Variants in SYTL2 observed in about 807,000 individuals in gnomAD.
SYTL2 encodes synaptotagmin like 2.
In SYTL2, 165 loss-of-function variants were observed where a neutral mutation model predicts 198.7. The observed-to-expected ratio is 0.83, with a 90% confidence interval of 0.73 to 0.94. SYTL2 has a LOEUF of 0.94. Ranked by LOEUF, SYTL2 falls within the 40% of genes least tolerant of loss-of-function variation. SYTL2 has a pLI of 0.00. For missense variants in SYTL2, 2,835 were observed against 2,582.8 expected (o/e 1.10, Z -2.12); for synonymous variants, 966 against 917.7 (o/e 1.05, Z -0.95).
chr11:85,799,682 G>A (rs759710243), intron 1 of SYTL2, among the ~76,000 whole-genome samples: 5 of 151,882 alleles, frequency 3.3e-5, no homozygotes, highest in African/African-American at 7.3e-5. Flanking sequence ...CACCCAGATC[G>A]CCTCTCAAAT....
chr11:85,728,080 T>G, intron 7 of SYTL2, 113 bp from the exon 8 acceptor site: 1 of 880,682 alleles, frequency 1.1e-6, no homozygotes, highest in Non-Finnish European at 1.7e-6. Context: ...TCTATACCAA[T>G]AGCTGTTTAT....
chr11:85,805,410 A>G (rs549317294), intron 1 of SYTL2, among the ~76,000 whole-genome samples: 2 of 152,364 alleles, frequency 1.3e-5, no homozygotes, highest in East Asian at 3.9e-4. Context: ...ACAGTGGTAA[A>G]GAATCTGCCC....
chr11:85,778,155 A>T (rs1057407701), intron 1 of SYTL2, among the ~76,000 whole-genome samples: 1 of 152,120 alleles, frequency 6.6e-6, no homozygotes, highest in Non-Finnish European at 1.5e-5. Flanking sequence ...CAACCTGCAG[A>T]TTCCAATTTA....
chr11:85,713,203 A>G (rs570315224), intron 12 of SYTL2, among the ~76,000 whole-genome samples: 2 of 152,364 alleles, frequency 1.3e-5, no homozygotes, highest in Non-Finnish European at 2.9e-5. Context: ...AAGGATGCCC[A>G]GGCCAGTGAC....
At chr11:85,752,759 T>C (rs944967555) in intron 2 of SYTL2, among the ~76,000 whole-genome samples, 7 of 151,524 alleles carry the variant, frequency 4.6e-5, no homozygotes, top group Non-Finnish European at 1.0e-4. Flanking sequence ...ATCTGTTAAG[T>C]GGATTCAGCT....
Position 85,707,367 on chromosome 11 carries a change from A to C in SYTL2, c.6018+62T>G. 3 of 1,136,654 alleles carry C rather than the reference A, an allele frequency of 2.6e-6. 1 individual carries two copies. In the South Asian group the frequency reaches 3.8e-5, roughly 14 times the overall value. The allele number at this position is 1,136,654 out of a possible 1,614,324, so 70.4% of individuals were successfully genotyped here. On this transcript the variant is annotated intron_variant, in intron 15 of 19. Transcript: ENST00000359152. Reference sequence around the variant, plus strand: ...ACTTTATCCTGTAGAGCTACTACCCAAAGAAGACATGGTAAACAGGTCACC... The same window carrying C: ...ACTTTATCCTGTAGAGCTACTACCCCAAGAAGACATGGTAAACAGGTCACC...
At chr11:85,808,729 T>C in intron 1 of SYTL2, among the ~76,000 whole-genome samples, 1 of 152,178 alleles carries the variant, frequency 6.6e-6, no homozygotes. Flanking sequence ...ATGAAAAAAA[T>C]TGCATAAGCA....
At chr11:85,769,753 C>T (rs1312673898) in intron 1 of SYTL2, among the ~76,000 whole-genome samples, 1 of 152,144 alleles carries the variant, frequency 6.6e-6, no homozygotes, top group Non-Finnish European at 1.5e-5. Context: ...GGGGTTTTAT[C>T]AGCGGCTTAC....
chr11:85,711,228 T>C lies in SYTL2; in HGVS notation c.5630A>G (p.Asp1877Gly). The C allele has an allele frequency of 6.2e-7, 1 of 1,613,862 alleles. No individual in the cohort carries two copies. Among genetic ancestry groups the C allele is most frequent in the Non-Finnish European group, 8.5e-7 (1 of 1,179,854 alleles). Residue 1877 changes from aspartate to glycine, a missense_variant, in exon 13 of 20, where the codon GAT becomes GGT. Transcript: ENST00000359152. ...TGATGCTGTATCTGTTTCTCTGTCA[T>C]CACTCTACAAAACAGCATATAATAT... ...SVPAFLQDES[D>G]DRETDTASES...
chr11:85,786,761 T>C (rs1480342034), intron 1 of SYTL2, among the ~76,000 whole-genome samples: 1 of 152,164 alleles, frequency 6.6e-6, no homozygotes, highest in Non-Finnish European at 1.5e-5. Flanking sequence ...CCAATTGTTT[T>C]TCACACAACC....
intron 1 of SYTL2, among the ~76,000 whole-genome samples, chr11:85,808,240 TA>T (rs2092986258): frequency 6.6e-6 from 1 of 152,106 alleles, no homozygotes; most frequent in African/African-American, 2.4e-5. Context: ...CTAAGTTTTG[TA>T]TTTTTAGTAG....
chr11:85,850,471 A>G, the SYTL2 span, among the ~76,000 whole-genome samples: 8 of 151,660 alleles, frequency 5.3e-5, no homozygotes, highest in Non-Finnish European at 4.4e-5. Flanking sequence ...CAAAACCACT[A>G]TGAGATACCA....
the SYTL2 span, among the ~76,000 whole-genome samples, chr11:85,825,002 T>C: frequency 6.6e-6 from 1 of 152,196 alleles, no homozygotes; most frequent in Non-Finnish European, 1.5e-5. Context: ...GGATCATTAG[T>C]GCATTGCCCT....
chr11:85,813,309 C>T (rs2093057282), upstream of SYTL2, among the ~76,000 whole-genome samples: 1 of 149,260 alleles, frequency 6.7e-6, no homozygotes, highest in Non-Finnish European at 1.5e-5. Flanking sequence ...CTTCAGTTTG[C>T]TCATTTGTTA....
chr11:85,699,197 T>C lies in SYTL2; in HGVS notation c.6269-1119A>G, dbSNP rs140241804. On this transcript the variant is annotated intron_variant, in intron 17 of 19. Transcript: ENST00000359152. ...ACAGTGAAACTCCAAGTTATTACTGTAATGTTCTAGAAGATGATATGATCA... is the reference window on the plus strand; with the variant it reads ...ACAGTGAAACTCCAAGTTATTACTGCAATGTTCTAGAAGATGATATGATCA... 3.9e-5 allele frequency among the ~76,000 whole-genome samples: 6 copies of C among 152,344 alleles called. No homozygotes were observed. In the East Asian group the frequency reaches 1.2e-3, roughly 29 times the overall value.
chr11:85,782,879 T>C (rs1354287885), intron 1 of SYTL2, among the ~76,000 whole-genome samples: 1 of 152,250 alleles, frequency 6.6e-6, no homozygotes, highest in African/African-American at 2.4e-5. Context: ...CTGGACTTCG[T>C]TGTCCACATC....
upstream of SYTL2, among the ~76,000 whole-genome samples, chr11:85,811,983 C>G (rs1566051348): frequency 1.3e-5 from 2 of 152,010 alleles, no homozygotes; most frequent in African/African-American, 2.4e-5. Context: ...GGCGAGCGCC[C>G]GTAGTCCCAA....
chr11:85,768,660 C>G (rs754132739), intron 1 of SYTL2, among the ~76,000 whole-genome samples: 1 of 152,188 alleles, frequency 6.6e-6, no homozygotes, highest in African/African-American at 2.4e-5. Flanking sequence ...CCTCTAACCT[C>G]CTACACCATT....
intron 1 of SYTL2, among the ~76,000 whole-genome samples, chr11:85,805,155 G>A (rs12286030): frequency 0.095 from 14,430 of 151,870 alleles, 1,110 homozygotes; most frequent in African/African-American, 0.21. Context: ...AACCCTGAAC[G>A]TGTCCCAAAA....
Sources: gnomAD v4.1 joint callset for allele counts (sites outside exome capture counted in the v4.1 genomes callset) on GRCh38, gnomAD v4.1.1 for gene constraint, MANE v1.5 for transcripts, NCBI Gene and HGNC (gene_info 2026-07-23, HGNC 2026-07-21) for gene names.